The following UBE3A variants were observed in gnomAD, a reference collection of about 807,000 sequenced individuals.
UBE3A encodes the protein ubiquitin protein ligase E3A.
A neutral mutation model predicts 83.4 loss-of-function variants in UBE3A; 6 were observed. That is an observed-to-expected ratio of 0.07 (90% CI 0.04 to 0.14). UBE3A has a LOEUF of 0.14. Among genes scored for constraint, UBE3A ranks in the 10% least tolerant of loss-of-function variants. The pLI, the probability that UBE3A is intolerant of heterozygous loss-of-function variation, is 1.00. For synonymous variants in UBE3A, 337 were observed against 355.4 expected, an observed-to-expected ratio of 0.95 and a Z score of 0.58; for missense variants, 456 against 1,036.1, an observed-to-expected ratio of 0.44 and a Z score of 7.69.
intron 1 of UBE3A, among the ~76,000 whole-genome samples, chr15:25,427,631 A>AAAC (rs1311491781): frequency 3.5e-5 from 4 of 115,344 alleles, no homozygotes; most frequent in South Asian, 6.5e-4. Flanking sequence ...AAAAAAAAAA[A>AAAC]CCCACAAAAC....
chr15:25,362,325 CCA>C lies in UBE3A; in HGVS notation c.1609-1800_1609-1799del, dbSNP rs1363360796. The stretch of plus-strand genomic sequence containing the variant: ...TAATATTTACAAAATCATTTTTAGG[CCA>C]CACAGTTTACTTTTAGACAATGTTT... On this transcript the variant is annotated intron_variant, in intron 6 of 12. Transcript: ENST00000648336. Among the ~76,000 whole-genome samples, 9 of 152,236 alleles carry C rather than the reference CCA, an allele frequency of 5.9e-5. No homozygotes were observed. In the South Asian group the frequency reaches 1.7e-3, roughly 28 times the overall value.
intron 3 of UBE3A, chr15:25,407,287 A>C (rs944596092): frequency 9.5e-7 from 1 of 1,047,886 alleles, no homozygotes; most frequent in Non-Finnish European, 1.2e-6. Context: ...GCAGATTAGA[A>C]GTTTTCAAAC....
At chr15:25,351,238 A>AGTC (rs1242773559) in intron 11 of UBE3A, among the ~76,000 whole-genome samples, 1 of 152,222 alleles carries the variant, frequency 6.6e-6, no homozygotes, top group Non-Finnish European at 1.5e-5. Flanking sequence ...AATTTAGGGT[A>AGTC]GTCATAGAGT....
chr15:25,345,515 A>T (rs58585994), intron 11 of UBE3A: 1 of 151,900 alleles, frequency 6.6e-6, no homozygotes, highest in South Asian at 2.1e-4. Context: ...AAGCGAAAAA[A>T]GTTATCCTGG....
chr15:25,339,020 T>C lies in UBE3A; in HGVS notation c.*117A>G, dbSNP rs1269667228. ...CTGTGGTTGACTATCTTACAGCCTT[T>C]TTGTACTGGGACACTATCACCACCA... On this transcript the variant is annotated 3_prime_UTR_variant, in exon 13 of 13. Coordinates refer to ENST00000648336, the MANE Select transcript of UBE3A (RefSeq NM_130839.5). The C allele has an allele frequency of 2.5e-6, 3 of 1,220,404 alleles. No individual in the cohort carries two copies. The African/African-American group carries it at 4.6e-5, about 19-fold the overall frequency. 75.6% of individuals were successfully genotyped at this position (1,220,404 alleles called of 1,614,324 possible).
chr15:25,398,935 G>A (rs568386771), intron 4 of UBE3A, among the ~76,000 whole-genome samples: 6 of 150,308 alleles, frequency 4.0e-5, no homozygotes, highest in Admixed American at 6.6e-5. Flanking sequence ...CCTGCCATGC[G>A]CAATATATCT....
intron 4 of UBE3A, chr15:25,391,615 ATACT>A (rs1272149333): frequency 1.3e-4 from 20 of 152,300 alleles, no homozygotes; most frequent in African/African-American, 4.3e-4. Flanking sequence ...TGCATGTGAA[ATACT>A]ACTACTTATC....
In UBE3A at chr15:25,370,699, T is replaced by A; in HGVS notation, c.1475A>T (p.Tyr492Phe). 2.5e-6 allele frequency: 4 copies of A among 1,614,138 alleles called. No homozygotes were observed. Among genetic ancestry groups the A allele is most frequent in the Non-Finnish European group, 3.4e-6 (4 of 1,180,010 alleles). Residue 492 changes from tyrosine (Y) to phenylalanine (F), a missense_variant, in exon 6 of 13, where the codon TAT becomes TTT. Around this residue, in one of 13 missense-constraint regions of UBE3A, gnomAD observed 58 missense variants for 237.1 expected, o/e 0.24. Transcript: ENST00000648336. The surrounding 1 kb of genome is among the most constrained non-coding windows in gnomAD (Gnocchi z 4.2). ...NAVTKNLGLYYDNRIRMYSER... is the reference protein window; with the variant it reads ...NAVTKNLGLYFDNRIRMYSER... ...ACTGTACATGCGAATTCTATTGTCATAATATAATCCCAAATTCTTTGTGAC... is the reference window on the plus strand; with the variant it reads ...ACTGTACATGCGAATTCTATTGTCAAAATATAATCCCAAATTCTTTGTGAC...
intron 4 of UBE3A, among the ~76,000 whole-genome samples, chr15:25,381,717 CAA>C (rs1244213151): frequency 2.0e-5 from 3 of 152,264 alleles, no homozygotes; most frequent in East Asian, 1.9e-4. Context: ...CATTCCATCT[CAA>C]AGTTATTTTT....
At chr15:25,411,262 C>G (rs2089938601) in intron 2 of UBE3A, among the ~76,000 whole-genome samples, 1 of 152,194 alleles carries the variant, frequency 6.6e-6, no homozygotes. Context: ...AACAAGCTAA[C>G]ATCTAAGTAT....
At chr15:25,426,365 C>T (rs1288076851) in intron 1 of UBE3A, among the ~76,000 whole-genome samples, 1 of 152,214 alleles carries the variant, frequency 6.6e-6, no homozygotes, top group Non-Finnish European at 1.5e-5. Context: ...AAATTTTCCT[C>T]TGGGTTATTT....
At position 25,400,676 on chromosome 15, in the gene UBE3A, C is replaced by T. The variant is rs116412630; in HGVS notation, c.62+4785G>A. On this transcript the variant is annotated intron_variant, in intron 4 of 12. Transcript: ENST00000648336. ...CTTGATTTTATATCTTACAACTTTA[C>T]TGAATTTATCAGTTCTAACAATTCT... 1.0e-2 allele frequency among the ~76,000 whole-genome samples: 1,518 copies of T among 152,236 alleles called. 30 individuals are homozygous for T. The highest frequency in any genetic ancestry group is 0.035 in the African/African-American group (1,455 of 41,536).
Position 25,409,192 on chromosome 15 carries a change from C to G in UBE3A, c.-85G>C, listed in dbSNP as rs1042719021. ...AGTCTAGCTGCTACCTTGATCTGAG[C>G]GTAGGCTTAATAACTCTAATAAATT... On this transcript the variant is annotated 5_prime_UTR_variant, in exon 3 of 13. Transcript: ENST00000648336. The G allele has an allele frequency of 7.5e-7, 1 of 1,332,404 alleles. No individual in the cohort carries two copies. Among genetic ancestry groups the G allele is most frequent in the Non-Finnish European group, 1.1e-6 (1 of 946,212 alleles). The allele number at this position is 1,332,404 out of a possible 1,614,324, so 82.5% of individuals were successfully genotyped here.
At chr15:25,342,667 A>T (rs772983049) in intron 11 of UBE3A, among the ~76,000 whole-genome samples, 12 of 152,168 alleles carry the variant, frequency 7.9e-5, no homozygotes, top group Non-Finnish European at 1.5e-4. Flanking sequence ...ACTTAGGTCT[A>T]GAGTAAAACT....
intron 1 of UBE3A, among the ~76,000 whole-genome samples, chr15:25,425,052 T>G (rs975251622): frequency 1.3e-5 from 2 of 152,032 alleles, no homozygotes; most frequent in Non-Finnish European, 2.9e-5. Flanking sequence ...CCCAAAACAA[T>G]TTTGAAAAAG....
intron 6 of UBE3A, 64 bp from the exon 7 acceptor site, chr15:25,360,591 A>T: frequency 3.8e-6 from 6 of 1,567,146 alleles, no homozygotes; most frequent in Non-Finnish European, 5.2e-6. Context: ...AAAACAAAAT[A>T]AAAACAAGGA....
At chr15:25,346,995 C>T (rs2075788288) in intron 11 of UBE3A, 1 of 152,092 alleles carries the variant, frequency 6.6e-6, no homozygotes, top group Non-Finnish European at 1.5e-5. Context: ...GCTGAGCGAA[C>T]CCCAAATAGC....
intron 11 of UBE3A, among the ~76,000 whole-genome samples, chr15:25,342,492 T>G (rs1288495913): frequency 6.6e-6 from 1 of 151,962 alleles, no homozygotes; most frequent in Admixed American, 6.5e-5. Flanking sequence ...TGTGTTACAT[T>G]AACATTTTGA....
chr15:25,411,091 C>T (rs1387009793), intron 2 of UBE3A, among the ~76,000 whole-genome samples: 1 of 152,146 alleles, frequency 6.6e-6, no homozygotes, highest in Non-Finnish European at 1.5e-5. Context: ...TTTATGAGAT[C>T]CGGTGCTCAA....
Sources: gnomAD v4.1 joint callset for allele counts (sites outside exome capture counted in the v4.1 genomes callset) on GRCh38, gnomAD v4.1.1 for gene constraint, gnomAD v4.1.1 regional missense constraint, Gnocchi (gnomAD v3.1) non-coding constraint, MANE v1.5 for transcripts, NCBI Gene and HGNC (gene_info 2026-07-23, HGNC 2026-07-21) for gene names.